The following LINGO2 variants were observed in gnomAD, a reference collection of about 807,000 sequenced individuals.
LINGO2 encodes the protein leucine rich repeat and Ig domain containing 2, also known as leucine-rich repeat and immunoglobulin-like domain-containing nogo receptor-interacting protein 2.
In LINGO2, 14 loss-of-function variants were observed where a neutral mutation model predicts 30.6. The ratio of observed to expected loss-of-function variants is 0.46; its 90% confidence interval spans 0.30 to 0.72. The LOEUF (loss-of-function observed/expected upper bound fraction) is 0.72. Ranked by LOEUF, LINGO2 falls within the 30% of genes least tolerant of loss-of-function variation. The probability of loss-of-function intolerance (pLI) is 0.07; values close to 1 mark genes in which losing one functional copy is unlikely to be tolerated. For missense variants in LINGO2, 729 were observed against 751.7 expected (o/e 0.97, Z 0.35); for synonymous variants, 317 against 288.5 (o/e 1.10, Z -1.00).
chr9:29,063,552 C>T, the LINGO2 span, among the ~76,000 whole-genome samples: 24 of 152,058 alleles, frequency 1.6e-4, no homozygotes, highest in Admixed American at 1.3e-3. Flanking sequence ...AGGTCTGCCA[C>T]CATGCCCGGC....
At chr9:28,466,520 A>C (rs10124092) in intron 2 of LINGO2, among the ~76,000 whole-genome samples, 112,954 of 151,872 alleles carry the variant, frequency 0.74, 42,191 homozygotes, top group East Asian at 0.83. Flanking sequence ...TTAATAAGAT[A>C]TAGTATTTGA....
At chr9:28,066,082 C>T (rs779171210) in intron 4 of LINGO2, among the ~76,000 whole-genome samples, 1 of 151,966 alleles carries the variant, frequency 6.6e-6, no homozygotes, top group Non-Finnish European at 1.5e-5. Context: ...ACGGCTGCAG[C>T]GGTTTCATTT....
the LINGO2 span, among the ~76,000 whole-genome samples, chr9:29,000,819 G>A: frequency 6.6e-6 from 1 of 151,876 alleles, no homozygotes; most frequent in Non-Finnish European, 1.5e-5. Flanking sequence ...CAAAGACTCT[G>A]TATTAAGGTT....
intron 4 of LINGO2, among the ~76,000 whole-genome samples, chr9:28,231,086 T>G (rs1175566171): frequency 6.6e-6 from 1 of 151,868 alleles, no homozygotes; most frequent in East Asian, 1.9e-4. Flanking sequence ...CAATATGTAG[T>G]TGGAAAAACA....
At chr9:28,482,560 C>G (rs1277348457) in intron 1 of LINGO2, among the ~76,000 whole-genome samples, 1 of 151,912 alleles carries the variant, frequency 6.6e-6, no homozygotes, top group East Asian at 1.9e-4. Context: ...AAAATTTTCT[C>G]CCATTTTGCA....
the LINGO2 span, among the ~76,000 whole-genome samples, chr9:28,883,628 G>GTGTATATGTATATATATA: frequency 1.6e-5 from 1 of 64,180 alleles, no homozygotes; most frequent in Non-Finnish European, 3.0e-5. Context: ...ATGTGTGTGT[G>GTGTATATGTATATATATA]TATATATATA....
At chr9:28,452,473 A>G (rs1409884836) in intron 2 of LINGO2, among the ~76,000 whole-genome samples, 1 of 151,836 alleles carries the variant, frequency 6.6e-6, no homozygotes, top group Non-Finnish European at 1.5e-5. Context: ...AAAGGCTCTG[A>G]CTATTCCTAG....
the LINGO2 span, chr9:27,937,967 A>C: frequency 5.9e-5 from 9 of 152,308 alleles, no homozygotes; most frequent in Admixed American, 2.0e-4. Flanking sequence ...ACAATGATAC[A>C]GAAAGCTGGG....
At chr9:28,164,602 G>A (rs915134129) in intron 4 of LINGO2, among the ~76,000 whole-genome samples, 1 of 152,186 alleles carries the variant, frequency 6.6e-6, no homozygotes, top group African/African-American at 2.4e-5. Flanking sequence ...ACAGATAAAT[G>A]TCTTGAGAGT....
At chr9:29,050,106 C>T in the LINGO2 span, among the ~76,000 whole-genome samples, 1 of 151,806 alleles carries the variant, frequency 6.6e-6, no homozygotes, top group African/African-American at 2.4e-5. Context: ...GCTCACTGCA[C>T]CCTCTGCCTC....
chr9:29,008,564 T>C, the LINGO2 span, among the ~76,000 whole-genome samples: 1 of 152,172 alleles, frequency 6.6e-6, no homozygotes, highest in Non-Finnish European at 1.5e-5. Context: ...GTGTTCCTAT[T>C]TCTCCACATC....
At chr9:28,417,164 T>C (rs932580836) in intron 2 of LINGO2, among the ~76,000 whole-genome samples, 8 of 152,118 alleles carry the variant, frequency 5.3e-5, no homozygotes, top group Non-Finnish European at 1.0e-4. Context: ...AAATGGTTAG[T>C]CTGTGAAGGA....
rs969589172 is a variant in LINGO2 at position 28,050,309 on chromosome 9, G to A, written c.-86-37904C>T. 2.0e-5 allele frequency among the ~76,000 whole-genome samples: 3 copies of A among 150,680 alleles called. 1 individual carries two copies. The highest frequency in any genetic ancestry group is 7.4e-5 in the African/African-American group (3 of 40,746). On this transcript the variant is annotated intron_variant, in intron 4 of 5. Coordinates refer to ENST00000379992, the Ensembl canonical transcript of LINGO2. ...TGTAAGGAACTCACATGCTGGTAGG[G>A]AAGACAACCAAAGAAATAAAATACA...
intron 1 of LINGO2, among the ~76,000 whole-genome samples, chr9:28,632,244 G>A (rs760255328): frequency 1.9e-4 from 29 of 152,062 alleles, no homozygotes; most frequent in African/African-American, 6.5e-4. Context: ...AATTGCATAC[G>A]TTAAAGTGGG....
At chr9:29,166,746 T>C in the LINGO2 span, among the ~76,000 whole-genome samples, 1 of 152,138 alleles carries the variant, frequency 6.6e-6, no homozygotes, top group African/African-American at 2.4e-5. Context: ...CTCTCCAATT[T>C]GTTGAACTCT....
chr9:28,168,661 A>T (rs1828498763), intron 4 of LINGO2, among the ~76,000 whole-genome samples: 1 of 152,268 alleles, frequency 6.6e-6, no homozygotes, highest in African/African-American at 2.4e-5. Context: ...TATAGGACAG[A>T]CATATGACGC....
chr9:28,577,248 C>T (rs140252905), intron 1 of LINGO2, among the ~76,000 whole-genome samples: 9 of 152,242 alleles, frequency 5.9e-5, no homozygotes, highest in African/African-American at 1.9e-4. Context: ...CCTAGTCACT[C>T]CTTTAAGTAA....
At chr9:28,573,043 GTTT>G in intron 1 of LINGO2, among the ~76,000 whole-genome samples, 1 of 152,224 alleles carries the variant, frequency 6.6e-6, no homozygotes, top group Non-Finnish European at 1.5e-5. Context: ...TCTGTGGCAA[GTTT>G]TTCAATATCT....
the LINGO2 span, among the ~76,000 whole-genome samples, chr9:29,194,347 C>T: frequency 6.6e-6 from 1 of 152,170 alleles, no homozygotes; most frequent in Non-Finnish European, 1.5e-5. Flanking sequence ...CCAACCCCTA[C>T]TGCTATGTTC....
Sources: allele counts gnomAD v4.1 joint callset (sites outside exome capture counted in the v4.1 genomes callset), GRCh38; gene constraint gnomAD v4.1.1; transcripts MANE v1.5; gene names NCBI Gene and HGNC (gene_info 2026-07-23, HGNC 2026-07-21).